STXBP5L: variants seen among roughly 807,000 people sequenced by gnomAD.
STXBP5L encodes syntaxin-binding protein 5-like.
In STXBP5L, 65 loss-of-function variants were observed where a neutral mutation model predicts 144.5. That is an observed-to-expected ratio of 0.45 (90% CI 0.37 to 0.55). STXBP5L has a LOEUF of 0.55. Ranked by LOEUF, STXBP5L falls within the 20% of genes least tolerant of loss-of-function variation. The probability of loss-of-function intolerance (pLI) is 0.00; values close to 1 mark genes in which losing one functional copy is unlikely to be tolerated. For synonymous variants in STXBP5L, 505 were observed against 469.6 expected (o/e 1.08, Z -0.97); for missense variants, 1,298 against 1,405.5 (o/e 0.92, Z 1.22).
intron 3 of STXBP5L, among the ~76,000 whole-genome samples, chr3:120,961,322 C>A (rs951113728): frequency 1.3e-5 from 2 of 150,422 alleles, no homozygotes; most frequent in Non-Finnish European, 2.9e-5. Flanking sequence ...ACGTGCACAA[C>A]GTGCAGGTTT....
intron 5 of STXBP5L, among the ~76,000 whole-genome samples, chr3:121,058,412 T>C (rs1465204092): frequency 1.3e-5 from 2 of 152,240 alleles, no homozygotes; most frequent in African/African-American, 4.8e-5. Context: ...TCTTTGCTAC[T>C]GTGAACAGTG....
intron 5 of STXBP5L, among the ~76,000 whole-genome samples, chr3:121,068,333 C>T (rs886669691): frequency 6.6e-6 from 1 of 152,212 alleles, no homozygotes; most frequent in Non-Finnish European, 1.5e-5. Context: ...CTTGGTGTAC[C>T]TAACATTTAA....
At chr3:121,093,558 G>A (rs144143095) in intron 5 of STXBP5L, among the ~76,000 whole-genome samples, 2,201 of 152,244 alleles carry the variant, frequency 0.014, 25 homozygotes, top group Non-Finnish European at 0.022. Flanking sequence ...GTTTATTTGC[G>A]TAGAGCTGTT....
chr3:121,213,760 A>G (rs978629092), intron 10 of STXBP5L, among the ~76,000 whole-genome samples: 2 of 152,010 alleles, frequency 1.3e-5, no homozygotes, highest in Non-Finnish European at 2.9e-5. Context: ...CTCTTTTTCT[A>G]TTGTTTGGAA....
intron 3 of STXBP5L, among the ~76,000 whole-genome samples, chr3:121,033,770 A>G (rs1359206674): frequency 2.0e-5 from 3 of 151,868 alleles, no homozygotes; most frequent in East Asian, 1.9e-4. Context: ...AGTGTTTTAT[A>G]TAAAATTATA....
rs773863008 is a variant in STXBP5L at position 121,413,127 on chromosome 3, A to T, written c.2949-31A>T. On this transcript the variant is annotated intron_variant, in intron 23 of 26. Transcript: ENST00000471454. ...AATATCTGCTTCTAACAACCTGCAT[A>T]TGATATATGGATTTACTTTTTTCCA... 2.0e-6 allele frequency: 3 copies of T among 1,511,114 alleles called. No homozygotes were observed. In the South Asian group the frequency reaches 4.1e-5, roughly 21 times the overall value. The allele number at this position is 1,511,114 out of a possible 1,614,324, so 93.6% of individuals were successfully genotyped here.
chr3:121,138,096 C>T (rs1160155715), intron 7 of STXBP5L, among the ~76,000 whole-genome samples: 1 of 151,788 alleles, frequency 6.6e-6, no homozygotes, highest in Non-Finnish European at 1.5e-5. Context: ...ATAAAATCAA[C>T]ATGCAAAAGT....
At chr3:121,164,299 A>C (rs532826866) in intron 9 of STXBP5L, among the ~76,000 whole-genome samples, 1 of 152,312 alleles carries the variant, frequency 6.6e-6, no homozygotes, top group South Asian at 2.1e-4. Flanking sequence ...CACTATGAGA[A>C]ATCATCTTAC....
chr3:121,060,660 G>T (rs930409634), intron 5 of STXBP5L, among the ~76,000 whole-genome samples: 1 of 152,110 alleles, frequency 6.6e-6, no homozygotes, highest in Non-Finnish European at 1.5e-5. Flanking sequence ...ATTTGTTATT[G>T]GTCTATTCAG....
intron 5 of STXBP5L, among the ~76,000 whole-genome samples, chr3:121,106,433 G>A (rs1039330841): frequency 6.6e-6 from 1 of 152,034 alleles, no homozygotes. Flanking sequence ...AGGCCCCAGT[G>A]TGTGTTGTTC....
At chr3:120,985,647 G>A (rs928115582) in intron 3 of STXBP5L, among the ~76,000 whole-genome samples, 2 of 151,404 alleles carry the variant, frequency 1.3e-5, no homozygotes, top group African/African-American at 4.9e-5. Flanking sequence ...GGTTAGTGTT[G>A]GTAGATTTTG....
chr3:121,313,257 G>A (rs2043617870), intron 19 of STXBP5L, among the ~76,000 whole-genome samples: 4 of 145,040 alleles, frequency 2.8e-5, no homozygotes, highest in African/African-American at 7.7e-5. Flanking sequence ...CGGCTGGCCG[G>A]GCAGAGGGGC....
intron 20 of STXBP5L, among the ~76,000 whole-genome samples, chr3:121,341,262 A>G (rs1405633518): frequency 6.6e-6 from 1 of 152,192 alleles, no homozygotes; most frequent in Non-Finnish European, 1.5e-5. Flanking sequence ...TTATGTGCTC[A>G]ACAAGCACAT....
chr3:121,395,786 G>T (rs991891626), intron 22 of STXBP5L, among the ~76,000 whole-genome samples: 4 of 152,160 alleles, frequency 2.6e-5, no homozygotes, highest in Non-Finnish European at 4.4e-5. Flanking sequence ...CTTTCCTCAG[G>T]TTTTCTTCCA....
chr3:121,121,767 T>A, intron 7 of STXBP5L, 63 bp downstream of exon 7: 1 of 1,254,716 alleles, frequency 8.0e-7, no homozygotes, highest in Non-Finnish European at 1.2e-6. Context: ...AAGGTGTTTC[T>A]TACTATTATT....
chr3:121,056,035 G>A (rs1363567305), intron 5 of STXBP5L, among the ~76,000 whole-genome samples: 1 of 151,956 alleles, frequency 6.6e-6, no homozygotes, highest in East Asian at 1.9e-4. Context: ...GAACTACTGG[G>A]CTCAAGCTAT....
At chr3:121,225,156 T>G (rs1365766552) in intron 11 of STXBP5L, among the ~76,000 whole-genome samples, 1 of 152,098 alleles carries the variant, frequency 6.6e-6, no homozygotes, top group East Asian at 1.9e-4. Context: ...TATATCCACC[T>G]CAAGCAGAAC....
intron 9 of STXBP5L, among the ~76,000 whole-genome samples, chr3:121,190,719 G>A (rs574284116): frequency 7.2e-5 from 11 of 152,094 alleles, no homozygotes; most frequent in Admixed American, 3.3e-4. Context: ...CTGGCCGGGC[G>A]GGGGCTGCCC....
At chr3:121,311,437 A>G (rs566355905) in intron 19 of STXBP5L, among the ~76,000 whole-genome samples, 9 of 152,326 alleles carry the variant, frequency 5.9e-5, no homozygotes, top group African/African-American at 1.9e-4. Context: ...GGAATGTTAA[A>G]TTAAAAGTGT....
Sources: allele counts gnomAD v4.1 joint callset (sites outside exome capture counted in the v4.1 genomes callset), GRCh38; gene constraint gnomAD v4.1.1; transcripts MANE v1.5; gene names NCBI Gene and HGNC (gene_info 2026-07-23, HGNC 2026-07-21).